NBAS: variants seen among roughly 807,000 people sequenced by gnomAD.
NBAS encodes the protein NBAS subunit of NRZ tethering complex, also known as NAG/BC035112 fusion.
In NBAS, 219 loss-of-function variants were observed where a neutral mutation model predicts 302.5. The observed-to-expected ratio is 0.72, with a 90% CI of 0.65 to 0.81. NBAS has a LOEUF of 0.81. Ranked by LOEUF, NBAS falls within the 30% of genes least tolerant of loss-of-function variation. The pLI is 0.00. For missense variants in NBAS, 2,932 were observed against 2,841.6 expected (o/e 1.03, Z -0.72); for synonymous variants, 1,118 against 1,021.6 (o/e 1.09, Z -1.80).
the NBAS span, among the ~76,000 whole-genome samples, chr2:15,109,198 G>T: frequency 6.6e-6 from 1 of 152,092 alleles, no homozygotes; most frequent in South Asian, 2.1e-4. Context: ...TATAGTCTTT[G>T]GTGCCTGTCA....
At chr2:15,322,242 G>C (rs1671843724) in intron 38 of NBAS, among the ~76,000 whole-genome samples, 1 of 149,940 alleles carries the variant, frequency 6.7e-6, no homozygotes, top group Non-Finnish European at 1.5e-5. Context: ...CTGTCAGGGG[G>C]TGGGGGGCTG....
At chr2:15,227,058 T>C (rs1667178253) in intron 47 of NBAS, among the ~76,000 whole-genome samples, 1 of 152,314 alleles carries the variant, frequency 6.6e-6, no homozygotes, top group East Asian at 1.9e-4. Flanking sequence ...CAGATGGCCT[T>C]TACTGTATTA....
chr2:15,491,405 A>T (rs1315400062), intron 11 of NBAS, among the ~76,000 whole-genome samples: 1 of 152,214 alleles, frequency 6.6e-6, no homozygotes, highest in Non-Finnish European at 1.5e-5. Flanking sequence ...CCATACTTCC[A>T]CAACTATCCA....
At chr2:14,946,536 A>G in the NBAS span, among the ~76,000 whole-genome samples, 1 of 152,206 alleles carries the variant, frequency 6.6e-6, no homozygotes, top group African/African-American at 2.4e-5. Flanking sequence ...TCCCAAGTAT[A>G]TAAAGCAAAT....
At chr2:15,142,991 T>A in the NBAS span, among the ~76,000 whole-genome samples, 1 of 152,222 alleles carries the variant, frequency 6.6e-6, no homozygotes, top group Non-Finnish European at 1.5e-5. Flanking sequence ...ACACTAGCTC[T>A]GCAAAAGAAA....
chr2:15,534,422 A>G (rs1187621834), intron 9 of NBAS, 121 bp downstream of exon 9: 1 of 790,146 alleles, frequency 1.3e-6, no homozygotes, highest in Admixed American at 1.8e-5. Context: ...GATATTAAAG[A>G]TAACTACGCA....
chr2:14,835,515 G>C, the NBAS span, among the ~76,000 whole-genome samples: 1 of 151,664 alleles, frequency 6.6e-6, no homozygotes, highest in African/African-American at 2.4e-5. Context: ...TAACATCCTT[G>C]TTTTCCTATC....
At chr2:15,376,140 AATTT>A (rs1473925764) in intron 30 of NBAS, among the ~76,000 whole-genome samples, 4 of 152,164 alleles carry the variant, frequency 2.6e-5, no homozygotes, top group Non-Finnish European at 4.4e-5. Flanking sequence ...CTTCCTCAAC[AATTT>A]ATTTATAAAG....
chr2:15,362,624 T>G (rs996306347), intron 32 of NBAS, among the ~76,000 whole-genome samples: 11 of 152,326 alleles, frequency 7.2e-5, no homozygotes, highest in Admixed American at 2.6e-4. Flanking sequence ...GAATATGTAA[T>G]GTTTCTCTAT....
chr2:15,279,230 C>T (rs1669722193), intron 42 of NBAS, among the ~76,000 whole-genome samples: 1 of 152,258 alleles, frequency 6.6e-6, no homozygotes, highest in African/African-American at 2.4e-5. Context: ...TGATTACTTT[C>T]TTGCTAAGTT....
chr2:14,810,895 T>A, the NBAS span, among the ~76,000 whole-genome samples: 4 of 152,186 alleles, frequency 2.6e-5, no homozygotes, highest in South Asian at 6.2e-4. Flanking sequence ...TATTTTTACA[T>A]GAAACACTTC....
At chr2:14,837,702 A>T in the NBAS span, among the ~76,000 whole-genome samples, 1 of 151,270 alleles carries the variant, frequency 6.6e-6, no homozygotes, top group African/African-American at 2.4e-5. Flanking sequence ...TTTGCTATAA[A>T]CTTAATTCTT....
At chr2:15,203,030 G>A (rs1266663572) in intron 48 of NBAS, among the ~76,000 whole-genome samples, 1 of 152,194 alleles carries the variant, frequency 6.6e-6, no homozygotes, top group South Asian at 2.1e-4. Context: ...ACCTCTCTTA[G>A]CCTCAGTGCT....
chr2:15,382,300 A>G (rs1675077174), intron 29 of NBAS, among the ~76,000 whole-genome samples: 1 of 152,156 alleles, frequency 6.6e-6, no homozygotes, highest in Non-Finnish European at 1.5e-5. Context: ...ACTGACAACT[A>G]TTTCTTACGT....
intron 23 of NBAS, among the ~76,000 whole-genome samples, chr2:15,423,557 T>C (rs1435021660): frequency 2.0e-5 from 3 of 152,110 alleles, no homozygotes; most frequent in Non-Finnish European, 4.4e-5. Flanking sequence ...AAAGGGGATA[T>C]ATTACCTCCC....
chr2:15,013,334 A>G, the NBAS span, among the ~76,000 whole-genome samples: 5 of 152,252 alleles, frequency 3.3e-5, no homozygotes, highest in African/African-American at 9.6e-5. Context: ...ATTACTATAG[A>G]AAACCATCCA....
chr2:15,446,840 A>G (rs180894189), intron 21 of NBAS, among the ~76,000 whole-genome samples: 256 of 152,034 alleles, frequency 1.7e-3, no homozygotes, highest in African/African-American at 5.9e-3. Context: ...TTAGACTATT[A>G]TAAGTTAAAG....
downstream of NBAS, among the ~76,000 whole-genome samples, chr2:15,164,127 T>C (rs962892931): frequency 1.3e-5 from 2 of 152,168 alleles, no homozygotes; most frequent in Admixed American, 6.5e-5. Flanking sequence ...AGAACAAAGA[T>C]AGAGTGTGCC....
intron 47 of NBAS, among the ~76,000 whole-genome samples, chr2:15,230,413 A>AC (rs1667334218): frequency 6.7e-6 from 1 of 150,268 alleles, no homozygotes; most frequent in African/African-American, 2.5e-5. Flanking sequence ...AAAAAAAAAA[A>AC]AGTTCTCTGA....
Sources: gnomAD v4.1 joint callset for allele counts (sites outside exome capture counted in the v4.1 genomes callset) on GRCh38, gnomAD v4.1.1 for gene constraint, MANE v1.5 for transcripts, NCBI Gene and HGNC (gene_info 2026-07-23, HGNC 2026-07-21) for gene names.